ADAMTS17: variants seen among roughly 807,000 people sequenced by gnomAD.
ADAMTS17 encodes the protein ADAM metallopeptidase with thrombospondin type 1 motif 17, also known as A disintegrin and metalloproteinase with thrombospondin motifs 17.
Under a neutral mutation model 141.5 loss-of-function variants are expected in ADAMTS17, and 113 were observed. The observed-to-expected ratio is 0.80, with a 90% CI of 0.69 to 0.93. The LOEUF (loss-of-function observed/expected upper bound fraction) is 0.93. Among genes scored for constraint, ADAMTS17 ranks in the 40% least tolerant of loss-of-function variants. The probability of loss-of-function intolerance (pLI) is 0.00; values close to 1 mark genes in which losing one functional copy is unlikely to be tolerated. For missense variants in ADAMTS17, 1,659 were observed against 1,517.9 expected (o/e 1.09, Z -1.54); for synonymous variants, 768 against 630.6 (o/e 1.22, Z -3.27).
chr15:99,977,398 ATAATTTTTTTTTTTTT>A (rs1567632581), intron 20 of ADAMTS17, among the ~76,000 whole-genome samples: 14 of 4,542 alleles, frequency 3.1e-3, no homozygotes, highest in African/African-American at 9.1e-3. Context: ...ATATATATAT[ATAATTTTTTTTTTTTT>A]TTTTTTTTTT....
In ADAMTS17 at chr15:100,154,557, C is replaced by T. The variant is rs185305724; in HGVS notation, c.1322+623G>A. On this transcript the variant is annotated intron_variant, in intron 9 of 21. Coordinates refer to ENST00000268070, the MANE Select transcript of ADAMTS17 (RefSeq NM_139057.4). ...TCAGTGACCAGGGCCTGCACAGTCA[C>T]TCTGTAAACCCAACCCTGAGGTCTT... Among the ~76,000 whole-genome samples the T allele has an allele frequency of 1.8e-3, 273 of 152,320 alleles. 1 individual carries two copies. Among genetic ancestry groups the T allele is most frequent in the African/African-American group, 6.2e-3 (256 of 41,566 alleles).
intron 3 of ADAMTS17, among the ~76,000 whole-genome samples, chr15:100,300,443 C>T (rs74039223): frequency 0.1 from 15,412 of 152,110 alleles, 1,243 homozygotes; most frequent in East Asian, 0.31. Context: ...GTCCTTCTGA[C>T]CCACAGTGAT....
At chr15:100,162,852 A>G (rs1020334473) in intron 8 of ADAMTS17, among the ~76,000 whole-genome samples, 1 of 146,592 alleles carries the variant, frequency 6.8e-6, no homozygotes, top group Non-Finnish European at 1.5e-5. Flanking sequence ...ATATAGTTAT[A>G]TATCTGTGTA....
chr15:100,300,563 G>T (rs528708853), intron 3 of ADAMTS17, among the ~76,000 whole-genome samples: 1 of 152,192 alleles, frequency 6.6e-6, no homozygotes, highest in African/African-American at 2.4e-5. Context: ...GTGCTTCCAC[G>T]TGCAAAGGAG....
chr15:100,045,085 G>T (rs1020425922), intron 18 of ADAMTS17, among the ~76,000 whole-genome samples: 1 of 152,056 alleles, frequency 6.6e-6, no homozygotes, highest in Admixed American at 6.5e-5. Flanking sequence ...GGGATTACAG[G>T]TATGAGCCAC....
chr15:100,235,701 C>T (rs555067834), intron 7 of ADAMTS17, among the ~76,000 whole-genome samples: 4 of 152,208 alleles, frequency 2.6e-5, no homozygotes, highest in South Asian at 4.1e-4. Flanking sequence ...TTCCCAAACA[C>T]CACCACGGAG....
chr15:100,052,846 T>C (rs1332603498), intron 16 of ADAMTS17, among the ~76,000 whole-genome samples: 2 of 152,200 alleles, frequency 1.3e-5, no homozygotes, highest in Non-Finnish European at 2.9e-5. Flanking sequence ...CATGGTTTGG[T>C]TGCACATGAA....
At chr15:100,031,182 T>G (rs561782825) in intron 18 of ADAMTS17, among the ~76,000 whole-genome samples, 1 of 152,320 alleles carries the variant, frequency 6.6e-6, no homozygotes, top group East Asian at 1.9e-4. Flanking sequence ...AGTCTCTCAA[T>G]GCCCACCATG....
At chr15:100,226,940 G>A (rs1228820326) in intron 7 of ADAMTS17, among the ~76,000 whole-genome samples, 1 of 152,162 alleles carries the variant, frequency 6.6e-6, no homozygotes, top group African/African-American at 2.4e-5. Flanking sequence ...CCTAATATTT[G>A]TGATTTGATG....
intron 10 of ADAMTS17, among the ~76,000 whole-genome samples, chr15:100,136,940 G>C (rs1190578374): frequency 1.3e-5 from 2 of 152,192 alleles, no homozygotes; most frequent in African/African-American, 4.8e-5. Context: ...CTTTGCAGCA[G>C]CCTCTCTCTA....
intron 15 of ADAMTS17, chr15:100,063,809 G>C: frequency 8.0e-7 from 1 of 1,246,302 alleles, no homozygotes; most frequent in African/African-American, 1.5e-5. Flanking sequence ...CCCTGCACCA[G>C]AGGCCGTGCA....
rs538043526 is a variant in ADAMTS17, at chr15:100,242,117, C to T, written c.1075+12019G>A. On this transcript the variant is annotated intron_variant, in intron 7 of 21. Transcript: ENST00000268070. ...GGAGCCTGGGGGACTGCCTGAAACA[C>T]GCAAGCTACAAACAAACATTCTCCC... is the stretch of plus-strand genomic sequence containing the variant. 5.3e-5 allele frequency among the ~76,000 whole-genome samples: 8 copies of T among 152,300 alleles called. No homozygotes were observed. In the South Asian group the frequency reaches 1.2e-3, roughly 24 times the overall value.
At chr15:100,257,276 C>A (rs764489355) in intron 6 of ADAMTS17, among the ~76,000 whole-genome samples, 33 of 152,174 alleles carry the variant, frequency 2.2e-4, no homozygotes, top group Non-Finnish European at 4.3e-4. Context: ...CCATTATTAT[C>A]CCAACCTAGG....
intron 18 of ADAMTS17, among the ~76,000 whole-genome samples, chr15:100,000,217 G>A (rs2060892232): frequency 6.6e-6 from 1 of 152,200 alleles, no homozygotes; most frequent in South Asian, 2.1e-4. Flanking sequence ...CACTCAGCAC[G>A]AAGAGAATTG....
chr15:100,227,812 G>A (rs575573899), intron 7 of ADAMTS17, among the ~76,000 whole-genome samples: 216 of 152,370 alleles, frequency 1.4e-3, no homozygotes, highest in African/African-American at 5.0e-3. Context: ...TGTCGTGACC[G>A]GCTTCATCAC....
chr15:100,005,478 T>A (rs2061020195), intron 18 of ADAMTS17, among the ~76,000 whole-genome samples: 1 of 152,130 alleles, frequency 6.6e-6, no homozygotes, highest in Non-Finnish European at 1.5e-5. Context: ...ACTCCTTGGC[T>A]TGGGGCGTCT....
chr15:100,263,233 C>T (rs2043593443), intron 4 of ADAMTS17, among the ~76,000 whole-genome samples: 1 of 152,094 alleles, frequency 6.6e-6, no homozygotes, highest in African/African-American at 2.4e-5. Flanking sequence ...TAACCCTTGC[C>T]ACACCCCACC....
At chr15:100,153,343 A>G (rs371112594) in intron 9 of ADAMTS17, among the ~76,000 whole-genome samples, 6 of 152,128 alleles carry the variant, frequency 3.9e-5, no homozygotes, top group African/African-American at 9.7e-5. Flanking sequence ...GCGCGTCTCT[A>G]AAAGAGTGAA....
intron 3 of ADAMTS17, among the ~76,000 whole-genome samples, chr15:100,313,146 T>C (rs2045456447): frequency 6.6e-6 from 1 of 152,094 alleles, no homozygotes; most frequent in African/African-American, 2.4e-5. Flanking sequence ...GCACCAAAAA[T>C]AAATGAAAGC....
Sources: gnomAD v4.1 joint callset for allele counts (sites outside exome capture counted in the v4.1 genomes callset) on GRCh38, gnomAD v4.1.1 for gene constraint, MANE v1.5 for transcripts, NCBI Gene and HGNC (gene_info 2026-07-23, HGNC 2026-07-21) for gene names.